The following ZNF292 variants were observed in gnomAD, a reference collection of about 807,000 sequenced individuals.
The protein encoded by ZNF292 is zinc finger protein 292.
ZNF292 carries 26 observed loss-of-function variants against 217.9 expected under a neutral mutation model. The observed-to-expected ratio is 0.12, with a 90% CI of 0.09 to 0.17. The LOEUF (loss-of-function observed/expected upper bound fraction) is 0.17. ZNF292 is among the 10% of genes least tolerant of loss of function. The pLI is 1.00. For synonymous variants in ZNF292, 1,257 were observed against 1,124.1 expected, an observed-to-expected ratio of 1.12 and a Z score of -2.37; for missense variants, 2,904 against 3,175.2, an observed-to-expected ratio of 0.91 and a Z score of 2.05.
chr6:87,246,879 A>G (rs1774615745), intron 7 of ZNF292, among the ~76,000 whole-genome samples: 1 of 151,312 alleles, frequency 6.6e-6, no homozygotes, highest in Non-Finnish European at 1.5e-5. Context: ...GGCCGGACGG[A>G]CATGGTGGCT....
chr6:87,198,706 A>T (rs1431365601), intron 1 of ZNF292, among the ~76,000 whole-genome samples: 1 of 152,228 alleles, frequency 6.6e-6, no homozygotes, highest in Non-Finnish European at 1.5e-5. Flanking sequence ...GAATTCAGAA[A>T]TGTTCTTCGT....
Position 87,254,888 on chromosome 6 carries a change from A to T in ZNF292, c.1259A>T (p.Glu420Val), listed in dbSNP as rs1195660356. The T allele has an allele frequency of 6.2e-7, 1 of 1,613,848 alleles. No homozygotes were observed. The highest frequency in any genetic ancestry group is 8.5e-7 in the Non-Finnish European group (1 of 1,179,792). Residue 420 changes from glutamate to valine, a missense_variant, in exon 8 of 8, where the codon GAG becomes GTG. Glu to Val is a moderately radical substitution (Grantham distance 121). Transcript: ENST00000369577. ...YNQPDQKYDE[E>V]NLPIPNSLRC... ...CAGCCAGACCAGAAATATGATGAAG[A>T]GAATCTTCCAATACCAAATTCTTTA...
At chr6:87,163,272 A>G (rs1165672772) in intron 1 of ZNF292, among the ~76,000 whole-genome samples, 1 of 152,126 alleles carries the variant, frequency 6.6e-6, no homozygotes, top group Non-Finnish European at 1.5e-5. Flanking sequence ...TAACATGGTG[A>G]AACCCCGTCT....
intron 3 of ZNF292, 36 bp from the exon 4 acceptor site, chr6:87,218,560 G>A: frequency 6.7e-7 from 1 of 1,497,808 alleles, no homozygotes; most frequent in Non-Finnish European, 8.9e-7. Context: ...TTAAAAATCT[G>A]TTGTAATTCT....
At chr6:87,219,895 A>G (rs1772992094) in intron 4 of ZNF292, among the ~76,000 whole-genome samples, 3 of 152,222 alleles carry the variant, frequency 2.0e-5, no homozygotes, top group Admixed American at 1.3e-4. Context: ...TGGTGCGATC[A>G]TGGCTCACCG....
intron 1 of ZNF292, among the ~76,000 whole-genome samples, chr6:87,177,363 T>C (rs1771336822): frequency 6.6e-6 from 1 of 152,120 alleles, no homozygotes. Context: ...CTTCAGTCAT[T>C]TTTAGCTCCT....
At chr6:87,191,947 C>G (rs1771833252) in intron 1 of ZNF292, among the ~76,000 whole-genome samples, 1 of 152,184 alleles carries the variant, frequency 6.6e-6, no homozygotes, top group Admixed American at 6.5e-5. Context: ...CAGGTGTGAG[C>G]CACCATGCCT....
intron 1 of ZNF292, among the ~76,000 whole-genome samples, chr6:87,177,725 C>G (rs1366508016): frequency 1.3e-5 from 2 of 152,178 alleles, no homozygotes. Context: ...TAGTTATGGG[C>G]TCATTTTCTT....
At chr6:87,216,819 GT>G (rs1772805970) in intron 3 of ZNF292, among the ~76,000 whole-genome samples, 1 of 151,984 alleles carries the variant, frequency 6.6e-6, no homozygotes, top group African/African-American at 2.4e-5. Context: ...GCCCAAACTT[GT>G]CTAGCTAAGA....
At chr6:87,165,916 C>T (rs1191414330) in intron 1 of ZNF292, among the ~76,000 whole-genome samples, 1 of 152,094 alleles carries the variant, frequency 6.6e-6, no homozygotes, top group Non-Finnish European at 1.5e-5. Flanking sequence ...CACCACCAAG[C>T]CTGGCTAGTT....
intron 1 of ZNF292, among the ~76,000 whole-genome samples, chr6:87,172,696 A>G (rs971475907): frequency 1.3e-5 from 2 of 152,088 alleles, no homozygotes; most frequent in African/African-American, 4.8e-5. Flanking sequence ...ACTTGAGCCC[A>G]GGTGTTTGAG....
chr6:87,226,157 A>C (rs952198112), intron 4 of ZNF292, among the ~76,000 whole-genome samples: 1 of 152,174 alleles, frequency 6.6e-6, no homozygotes, highest in African/African-American at 2.4e-5. Context: ...CATAAATTGC[A>C]GTTTTGTCAG....
At chr6:87,233,643 C>A in intron 5 of ZNF292, 116 bp downstream of exon 5, 1 of 1,464,450 alleles carries the variant, frequency 6.8e-7, no homozygotes, top group South Asian at 1.5e-5. Flanking sequence ...GTCAATCTTA[C>A]ATTTTTGGTA....
At chr6:87,200,473 A>C (rs545042230) in intron 1 of ZNF292, among the ~76,000 whole-genome samples, 9 of 152,290 alleles carry the variant, frequency 5.9e-5, no homozygotes, top group African/African-American at 9.6e-5. Context: ...TTAAAAAAAA[A>C]ATCTCTGCTC....
At chr6:87,228,929 A>T (rs1018395154) in intron 4 of ZNF292, among the ~76,000 whole-genome samples, 1 of 149,514 alleles carries the variant, frequency 6.7e-6, no homozygotes, top group South Asian at 2.1e-4. Context: ...TTTAGGATGC[A>T]TTTTTCTATT....
At chr6:87,251,022 C>G (rs1198393055) in intron 7 of ZNF292, among the ~76,000 whole-genome samples, 2 of 152,154 alleles carry the variant, frequency 1.3e-5, no homozygotes, top group Non-Finnish European at 1.5e-5. Context: ...TAATAACCCA[C>G]TTGTCTATTT....
intron 4 of ZNF292, among the ~76,000 whole-genome samples, chr6:87,232,313 G>A (rs1582464193): frequency 6.6e-6 from 1 of 152,048 alleles, no homozygotes; most frequent in South Asian, 2.1e-4. Context: ...GATATTACAA[G>A]AAGTAAAGAA....
intron 5 of ZNF292, among the ~76,000 whole-genome samples, chr6:87,236,947 T>G (rs1773935649): frequency 6.6e-6 from 1 of 152,174 alleles, no homozygotes; most frequent in African/African-American, 2.4e-5. Flanking sequence ...TGTATCCTTG[T>G]GGGGAGTATA....
At chr6:87,207,890 A>G (rs1432802275) in intron 1 of ZNF292, among the ~76,000 whole-genome samples, 1 of 151,670 alleles carries the variant, frequency 6.6e-6, no homozygotes, top group Non-Finnish European at 1.5e-5. Context: ...TCTTACTTGC[A>G]TTCATCTCTC....
Sources: allele counts gnomAD v4.1 joint callset (sites outside exome capture counted in the v4.1 genomes callset), GRCh38; gene constraint gnomAD v4.1.1; transcripts MANE v1.5; gene names NCBI Gene and HGNC (gene_info 2026-07-23, HGNC 2026-07-21).